The following GPR4 variants were observed in gnomAD, a reference collection of about 807,000 sequenced individuals.
GPR4 encodes the protein G-prodeshotein coupled receptor 4.
A neutral mutation model predicts 17.8 loss-of-function variants in GPR4; 11 were observed. The ratio of observed to expected loss-of-function variants is 0.62; its 90% CI spans 0.39 to 1.02. The LOEUF (loss-of-function observed/expected upper bound fraction) is 1.02. GPR4 is among the 50% of genes least tolerant of loss of function. GPR4 has a pLI of 0.00. For synonymous variants in GPR4, 219 were observed against 222.8 expected (o/e 0.98, Z 0.15); for missense variants, 364 against 495.4 (o/e 0.73, Z 2.52).
chr19:45,597,454 C>A (rs886518106), intron 1 of GPR4, among the ~76,000 whole-genome samples: 2 of 152,168 alleles, frequency 1.3e-5, no homozygotes. Flanking sequence ...TGCCCCAGGA[C>A]CCTCTCCTCA....
intron 1 of GPR4, among the ~76,000 whole-genome samples, chr19:45,598,980 C>T (rs1394197232): frequency 6.6e-6 from 1 of 152,178 alleles, no homozygotes; most frequent in Non-Finnish European, 1.5e-5. Context: ...TCCCCATAAC[C>T]CCGTTCCCCT....
In GPR4 at chr19:45,590,155, C is replaced by T. The variant is rs1013792374; in HGVS notation, c.*623G>A. On this transcript the variant is annotated 3_prime_UTR_variant, in exon 2 of 2. Transcript: ENST00000323040. ...GGCTGCATTTCTCCTTCCACTTTCC[C>T]CCGAGTCACAGACTTTTATCCACTT... 6.6e-6 allele frequency: 1 copy of T among 152,150 alleles called. No individual in the cohort carries two copies. Among genetic ancestry groups the T allele is most frequent in the Non-Finnish European group, 1.5e-5 (1 of 68,046 alleles). The allele number at this position is 152,150 out of a possible 1,614,324, so 9.4% of individuals were successfully genotyped here.
intron 1 of GPR4, among the ~76,000 whole-genome samples, chr19:45,597,815 G>A (rs745765344): frequency 2.0e-5 from 3 of 152,116 alleles, no homozygotes; most frequent in Non-Finnish European, 4.4e-5. Flanking sequence ...GAGCTGGAAA[G>A]GGCAAGATCT....
At position 45,592,067 on chromosome 19, in the gene GPR4, A is replaced by G; in HGVS notation, c.-201T>C. 2 of 519,748 alleles carry G rather than the reference A, an allele frequency of 3.8e-6. No individual in the cohort carries two copies. Among genetic ancestry groups the G allele is most frequent in the Non-Finnish European group, 6.9e-6 (2 of 288,716 alleles). 32.2% of individuals were successfully genotyped at this position (519,748 alleles called of 1,614,324 possible). A position where few individuals can be genotyped will look rare whatever the true frequency, so the allele number is the denominator to read the frequency against. On this transcript the variant is annotated 5_prime_UTR_variant, in exon 2 of 2. Coordinates refer to ENST00000323040, the MANE Select transcript of GPR4 (RefSeq NM_005282.3). ...GCAGAGCTTGAGAGGGAAAAGTTGG[A>G]GGAGGGATGGAATTATGACAGGAGG...
intron 1 of GPR4, among the ~76,000 whole-genome samples, chr19:45,593,897 T>C (rs938473706): frequency 5.3e-5 from 8 of 151,114 alleles, no homozygotes; most frequent in African/African-American, 2.0e-4. Context: ...ATTTATTTTT[T>C]GAGACAGGGT....
intron 1 of GPR4, chr19:45,599,612 G>A (rs1360565223): frequency 6.6e-6 from 1 of 152,230 alleles, no homozygotes; most frequent in African/African-American, 2.4e-5. Flanking sequence ...TTTCAACCGA[G>A]AGGGTCTCTG....
chr19:45,594,378 C>A (rs1325091994), intron 1 of GPR4, among the ~76,000 whole-genome samples: 1 of 142,530 alleles, frequency 7.0e-6, no homozygotes, highest in South Asian at 2.2e-4. Context: ...GCTGAGATCA[C>A]GCCATTGCAC....
chr19:45,591,989 T>G lies in GPR4; in HGVS notation c.-123A>C. ...GGAGGCTCAGGGGAACATGGTGGGATGTGGTCTACAGGGAAGAGATGAGGT... is the reference window on the plus strand; with the variant it reads ...GGAGGCTCAGGGGAACATGGTGGGAGGTGGTCTACAGGGAAGAGATGAGGT... On this transcript the variant is annotated 5_prime_UTR_variant, in exon 2 of 2. Coordinates refer to ENST00000323040, the MANE Select transcript of GPR4 (RefSeq NM_005282.3). This position sits in a 1 kb window ranked among gnomAD's most constrained non-coding sequence, Gnocchi z 7.6. The G allele has an allele frequency of 9.2e-7, 1 of 1,084,614 alleles. No homozygotes were observed. The highest frequency in any genetic ancestry group is 1.3e-6 in the Non-Finnish European group (1 of 765,474). 67.2% of individuals were successfully genotyped at this position (1,084,614 alleles called of 1,614,324 possible). A position where few individuals can be genotyped will look rare whatever the true frequency, so the allele number is the denominator to read the frequency against.
chr19:45,596,513 T>C (rs1970060298), intron 1 of GPR4, among the ~76,000 whole-genome samples: 1 of 148,338 alleles, frequency 6.7e-6, no homozygotes, highest in South Asian at 2.2e-4. Flanking sequence ...GCAAGATCTT[T>C]CTATCATGAA....
In GPR4 at chr19:45,594,159, C is replaced by G. The variant is rs188501123; in HGVS notation, c.-831-1462G>C. Among the ~76,000 whole-genome samples, 109 of 144,356 alleles carry G rather than the reference C, an allele frequency of 7.6e-4. No homozygotes were observed. The East Asian group carries it at 0.016, about 21-fold the overall frequency. 94.7% of individuals were successfully genotyped at this position (144,356 alleles called of 152,430 possible). On this transcript the variant is annotated intron_variant, in intron 1 of 1. Coordinates refer to ENST00000323040, the MANE Select transcript of GPR4 (RefSeq NM_005282.3). The stretch of plus-strand genomic sequence containing the variant: ...CTTGAACTCCTGAGCTCAAGAGATC[C>G]TTCCCTGTAATCGCAGCACTTTGGG...
In GPR4 at chr19:45,590,937, G is replaced by A. The variant is rs1969984974; in HGVS notation, c.930C>T (p.Ser310=). 1 of 1,613,994 alleles carries A rather than the reference G, an allele frequency of 6.2e-7. No homozygotes were observed. Residue 310 remains serine, a synonymous_variant, in exon 2 of 2, where the codon AGC becomes AGT. Transcript: ENST00000323040. The part of the protein sequence containing the change: ...ALHNLLRFLA[S]DKPQEMANAS... ...CATTGGCCATCTCCTGGGGCTTGTCGCTGGCCAGAAAGCGGAGCAGGTTGT... is the reference window on the plus strand; with the variant it reads ...CATTGGCCATCTCCTGGGGCTTGTCACTGGCCAGAAAGCGGAGCAGGTTGT...
chr19:45,599,111 T>C (rs1970087044), intron 1 of GPR4, among the ~76,000 whole-genome samples: 1 of 152,098 alleles, frequency 6.6e-6, no homozygotes. Flanking sequence ...CCCCACTTCT[T>C]GGGTCCCTGC....
chr19:45,601,281 G>A (rs148684359), intron 1 of GPR4, among the ~76,000 whole-genome samples: 31 of 152,330 alleles, frequency 2.0e-4, no homozygotes, highest in Non-Finnish European at 3.7e-4. Flanking sequence ...GGGAGGAGGG[G>A]TTGTCCAGTT....
At chr19:45,600,435 C>T (rs1005722095) in intron 1 of GPR4, among the ~76,000 whole-genome samples, 5 of 152,242 alleles carry the variant, frequency 3.3e-5, no homozygotes, top group South Asian at 4.1e-4. Flanking sequence ...CCAACTATTG[C>T]CCCTCTCCCT....
chr19:45,596,351 A>G (rs1018536929), intron 1 of GPR4, among the ~76,000 whole-genome samples: 1 of 151,850 alleles, frequency 6.6e-6, no homozygotes, highest in African/African-American at 2.4e-5. Context: ...GATTACAGGC[A>G]TGCGTCACCA....
At chr19:45,599,279 CT>C (rs934390862) in intron 1 of GPR4, among the ~76,000 whole-genome samples, 1 of 152,124 alleles carries the variant, frequency 6.6e-6, no homozygotes, top group African/African-American at 2.4e-5. Context: ...AGCTGAAAAA[CT>C]TGGAGGATTT....
At chr19:45,599,992 A>G (rs1970096845) in intron 1 of GPR4, among the ~76,000 whole-genome samples, 1 of 152,140 alleles carries the variant, frequency 6.6e-6, no homozygotes, top group African/African-American at 2.4e-5. Context: ...TCTCTTTTAC[A>G]GAAATGGGAA....
chr19:45,597,795 G>A (rs576245024), intron 1 of GPR4, among the ~76,000 whole-genome samples: 1 of 152,200 alleles, frequency 6.6e-6, no homozygotes, highest in East Asian at 1.9e-4. Flanking sequence ...GGGAAGAGGT[G>A]GTCAGGGGAG....
rs377525265 is a variant in GPR4, at chr19:45,591,143, C to T, written c.724G>A (p.Val242Met). Residue 242 changes from valine (V) to methionine (M), a missense_variant, in exon 2 of 2, where the codon GTG becomes ATG. Around this residue, in one of 3 missense-constraint regions of GPR4, gnomAD observed 271 missense variants for 373.1 expected, o/e 0.73. Coordinates refer to ENST00000323040, the MANE Select transcript of GPR4 (RefSeq NM_005282.3). The surrounding 1 kb of genome is among the most constrained non-coding windows in gnomAD (Gnocchi z 7.6). ...ATGGCGCTGCGGGACAGCAAGAGCACGTGATAGGGCGCAAAGCAGACCAGC... is the reference window on the plus strand; with the variant it reads ...ATGGCGCTGCGGGACAGCAAGAGCATGTGATAGGGCGCAAAGCAGACCAGC... ...IVLVCFAPYHVLLLSRSAIYL... is the reference protein window; with the variant it reads ...IVLVCFAPYHMLLLSRSAIYL... The T allele has an allele frequency of 6.2e-7, 1 of 1,613,630 alleles. No homozygotes were observed. The highest frequency in any genetic ancestry group is 1.1e-5 in the South Asian group (1 of 91,070).
Sources: gnomAD v4.1 joint callset for allele counts (sites outside exome capture counted in the v4.1 genomes callset) on GRCh38, gnomAD v4.1.1 for gene constraint, gnomAD v4.1.1 regional missense constraint, Gnocchi (gnomAD v3.1) non-coding constraint, MANE v1.5 for transcripts, NCBI Gene and HGNC (gene_info 2026-07-23, HGNC 2026-07-21) for gene names.